Variants in FRMD5 observed in about 807,000 individuals in gnomAD.
FRMD5 encodes the protein FERM domain containing 5.
In FRMD5, 20 loss-of-function variants were observed where a neutral mutation model predicts 69.0. The observed-to-expected ratio is 0.29, with a 90% confidence interval of 0.20 to 0.42. The LOEUF is 0.42. Ranked by LOEUF, FRMD5 falls within the 10% of genes least tolerant of loss-of-function variation. The probability of loss-of-function intolerance (pLI) is 1.00; values close to 1 mark genes in which losing one functional copy is unlikely to be tolerated. For missense variants in FRMD5, 595 were observed against 708.6 expected (o/e 0.84, Z 1.82); for synonymous variants, 271 against 260.1 (o/e 1.04, Z -0.40).
intron 1 of FRMD5, among the ~76,000 whole-genome samples, chr15:44,050,655 C>G (rs1213056596): frequency 2.8e-5 from 1 of 35,406 alleles, no homozygotes; most frequent in Admixed American, 4.3e-4. Flanking sequence ...GGCACACTGG[C>G]CTTTTTTTTT....
upstream of FRMD5, among the ~76,000 whole-genome samples, chr15:44,195,839 G>C (rs552585298): frequency 3.3e-5 from 5 of 152,222 alleles, no homozygotes; most frequent in Non-Finnish European, 5.9e-5. Flanking sequence ...GGACCTCAGA[G>C]GTTCTGAAGT....
chr15:44,040,736 A>G (rs1170743034), intron 1 of FRMD5, among the ~76,000 whole-genome samples: 1 of 152,130 alleles, frequency 6.6e-6, no homozygotes, highest in Non-Finnish European at 1.5e-5. Context: ...GACTATCCAC[A>G]CTATGAAGAA....
intron 1 of FRMD5, among the ~76,000 whole-genome samples, chr15:43,995,062 TG>T (rs377365565): frequency 6.6e-6 from 1 of 152,162 alleles, no homozygotes; most frequent in Non-Finnish European, 1.5e-5. Flanking sequence ...TCAGCATCTG[TG>T]GGGAATTGGT....
intron 1 of FRMD5, among the ~76,000 whole-genome samples, chr15:44,087,784 TCATC>T (rs371000639): frequency 0.049 from 6,193 of 125,606 alleles, 165 homozygotes; most frequent in Middle Eastern, 0.093. Flanking sequence ...ATCATCATCA[TCATC>T]CCAGGCATTG....
chr15:44,084,690 C>T (rs1207937817), intron 1 of FRMD5, among the ~76,000 whole-genome samples: 1 of 152,006 alleles, frequency 6.6e-6, no homozygotes, highest in African/African-American at 2.4e-5. Flanking sequence ...AATCCTTTAG[C>T]TTTTATTCCA....
chr15:44,077,620 A>C (rs952822692), intron 1 of FRMD5, among the ~76,000 whole-genome samples: 9 of 152,132 alleles, frequency 5.9e-5, no homozygotes, highest in Non-Finnish European at 1.2e-4. Context: ...GAATCCAGAA[A>C]ATTCAAAAAA....
chr15:44,161,409 T>C (rs2077614668), intron 1 of FRMD5, among the ~76,000 whole-genome samples: 1 of 152,186 alleles, frequency 6.6e-6, no homozygotes, highest in African/African-American at 2.4e-5. Context: ...GGATACCTCA[T>C]AGCTTCATTA....
intron 5 of FRMD5, 123 bp from the exon 6 acceptor site, chr15:43,906,074 G>A: frequency 1.6e-6 from 2 of 1,254,108 alleles, no homozygotes; most frequent in Non-Finnish European, 2.3e-6. Flanking sequence ...AGAAACAGTG[G>A]ATTCTGAGCA....
At chr15:44,054,382 T>A (rs892193989) in intron 1 of FRMD5, among the ~76,000 whole-genome samples, 7 of 152,154 alleles carry the variant, frequency 4.6e-5, no homozygotes, top group South Asian at 4.1e-4. Context: ...TTTACAACCA[T>A]AAAAGTCCCA....
At chr15:44,166,085 T>G (rs1441949224) in intron 1 of FRMD5, among the ~76,000 whole-genome samples, 1 of 152,200 alleles carries the variant, frequency 6.6e-6, no homozygotes, top group African/African-American at 2.4e-5. Context: ...TTGTACTCAG[T>G]ATATTCTTAT....
intron 1 of FRMD5, among the ~76,000 whole-genome samples, chr15:44,020,542 T>C (rs749687637): frequency 6.6e-6 from 1 of 152,198 alleles, no homozygotes; most frequent in East Asian, 1.9e-4. Context: ...ATGTATGAAT[T>C]AGTATATTTT....
chr15:44,162,909 TCACGCCTGTAATCCCAG>T (rs957882035), intron 1 of FRMD5, among the ~76,000 whole-genome samples: 16 of 139,450 alleles, frequency 1.1e-4, no homozygotes, highest in East Asian at 6.3e-4. Context: ...GCGCGGTGGC[TCACGCCTGTAATCCCAG>T]CACTTTGGGA....
intron 1 of FRMD5, among the ~76,000 whole-genome samples, chr15:44,033,628 A>G (rs1891782975): frequency 6.6e-6 from 1 of 152,220 alleles, no homozygotes; most frequent in South Asian, 2.1e-4. Flanking sequence ...ACCAGTAAAC[A>G]ATTCTAATAT....
At chr15:44,159,076 T>C (rs561292225) in intron 1 of FRMD5, among the ~76,000 whole-genome samples, 46 of 152,186 alleles carry the variant, frequency 3.0e-4, no homozygotes, top group South Asian at 1.9e-3. Context: ...GGAACAGGGA[T>C]GGGAGCAGAG....
intron 1 of FRMD5, among the ~76,000 whole-genome samples, chr15:44,145,640 G>T (rs2140456992): frequency 6.6e-6 from 1 of 152,260 alleles, no homozygotes; most frequent in Middle Eastern, 3.4e-3. Context: ...CCTAACCTTA[G>T]AAGTTGCTTT....
intron 13 of FRMD5, among the ~76,000 whole-genome samples, chr15:43,875,363 A>AAAAATAT (rs1366807150): frequency 2.8e-5 from 3 of 105,348 alleles, no homozygotes; most frequent in East Asian, 3.0e-4. Context: ...AAAAAAAAAA[A>AAAAATAT]ATATATATAT....
chr15:43,909,260 C>T (rs917744140), intron 5 of FRMD5, among the ~76,000 whole-genome samples: 3 of 151,626 alleles, frequency 2.0e-5, no homozygotes, highest in Non-Finnish European at 4.4e-5. Flanking sequence ...ATTAGCTGGG[C>T]ATGGTGGTGG....
upstream of FRMD5, among the ~76,000 whole-genome samples, chr15:44,196,001 C>A (rs1025039310): frequency 6.6e-6 from 1 of 152,162 alleles, no homozygotes; most frequent in South Asian, 2.1e-4. Flanking sequence ...GAAATTATGT[C>A]TTCAGACTTT....
chr15:43,905,696 C>T (rs957566891), intron 6 of FRMD5, 132 bp downstream of exon 6: 20 of 1,122,190 alleles, frequency 1.8e-5, no homozygotes, highest in Middle Eastern at 3.0e-4. Flanking sequence ...GGTACATCCG[C>T]GGTCAGGAAG....
Sources: gnomAD v4.1 joint callset for allele counts (sites outside exome capture counted in the v4.1 genomes callset) on GRCh38, gnomAD v4.1.1 for gene constraint, MANE v1.5 for transcripts, NCBI Gene and HGNC (gene_info 2026-07-23, HGNC 2026-07-21) for gene names.